Variants in MEGF6 observed in about 807,000 individuals in gnomAD.
MEGF6 encodes the protein multiple EGF like domains 6.
Under a neutral mutation model 207.1 loss-of-function variants are expected in MEGF6, and 184 were observed. That is an observed-to-expected ratio of 0.89 (90% CI 0.79 to 1.00). The LOEUF (loss-of-function observed/expected upper bound fraction) is 1.00. MEGF6 is among the 50% of genes least tolerant of loss of function. MEGF6 has a pLI of 0.00. For synonymous variants in MEGF6, 1,038 were observed against 910.0 expected (o/e 1.14, Z -2.53); for missense variants, 2,282 against 2,202.9 (o/e 1.04, Z -0.72).
intron 4 of MEGF6, among the ~76,000 whole-genome samples, chr1:3,550,650 C>T (rs956635757): frequency 1.9e-4 from 29 of 152,252 alleles, no homozygotes; most frequent in African/African-American, 6.5e-4. Flanking sequence ...CGGGGTGCTC[C>T]GTGCCGGATC....
Position 3,490,961 on chromosome 1 carries a change from T to C in MEGF6, c.4517-2A>G, listed in dbSNP as rs867948155. ...TCTCGGGGAGCCGGAGGGGCCCACC[T>C]GGAGGGGAGAGAGAGCAGGCCATGT... is the stretch of plus-strand genomic sequence containing the variant. On this transcript the variant is annotated splice_acceptor_variant, in intron 35 of 36. Coordinates refer to ENST00000356575, the MANE Select transcript of MEGF6 (RefSeq NM_001409.4). LOFTEE classifies it high-confidence loss of function. 1.9e-6 allele frequency: 3 copies of C among 1,598,226 alleles called. No individual in the cohort carries two copies. Among genetic ancestry groups the C allele is most frequent in the Non-Finnish European group, 2.6e-6 (3 of 1,175,120 alleles).
At chr1:3,622,309 T>C in the MEGF6 span, among the ~76,000 whole-genome samples, 963 of 152,238 alleles carry the variant, frequency 6.3e-3, 9 homozygotes, top group African/African-American at 0.022. Context: ...ATGGTTTAAG[T>C]GTGGCACATC....
the MEGF6 span, among the ~76,000 whole-genome samples, chr1:3,620,447 C>G: frequency 6.6e-6 from 1 of 152,200 alleles, no homozygotes; most frequent in Admixed American, 6.5e-5. Flanking sequence ...ACAGCCCAGG[C>G]GGAGCCCGTA....
intron 4 of MEGF6, among the ~76,000 whole-genome samples, chr1:3,577,868 C>T (rs1643685559): frequency 6.6e-6 from 1 of 152,236 alleles, no homozygotes; most frequent in Non-Finnish European, 1.5e-5. Context: ...ATGCAGAGCC[C>T]TCGCCCCACG....
At chr1:3,499,071 C>A in intron 24 of MEGF6, 67 bp downstream of exon 24, 1 of 1,567,562 alleles carries the variant, frequency 6.4e-7, no homozygotes, top group Non-Finnish European at 8.6e-7. Flanking sequence ...TCCTGTGGGC[C>A]CTGCAAGAGG....
At chr1:3,581,513 C>T (rs1197724393) in intron 3 of MEGF6, among the ~76,000 whole-genome samples, 2 of 152,232 alleles carry the variant, frequency 1.3e-5, no homozygotes, top group African/African-American at 2.4e-5. Flanking sequence ...GGGACCAACC[C>T]GGGGCCCAGT....
At position 3,505,201 on chromosome 1, in the gene MEGF6, C is replaced by CA; in HGVS notation, c.2188+6dup. ...ACTGCCGGGAGCCCCAGGGGCCGGCCACTCACCTTGGCCACAGTCCTCTCC... is the reference window on the plus strand; with the variant it reads ...ACTGCCGGGAGCCCCAGGGGCCGGCCAACTCACCTTGGCCACAGTCCTCTCC... On this transcript the variant is annotated splice_region_variant and intron_variant, in intron 17 of 36. Transcript: ENST00000356575. 6.2e-7 allele frequency: 1 copy of CA among 1,611,186 alleles called. No individual in the cohort carries two copies. Among genetic ancestry groups the CA allele is most frequent in the East Asian group, 2.2e-5 (1 of 44,868 alleles).
At position 3,497,338 on chromosome 1, in the gene MEGF6, C is replaced by T. The variant is rs200142733; in HGVS notation, c.3376G>A (p.Glu1126Lys). The part of the protein sequence containing the change: ...QSPCLRGWFG[E>K]ACAQRCSCPP... The stretch of plus-strand genomic sequence containing the variant: ...CAGCTGCAGCGCTGGGCACAGGCCT[C>T]TCCAAACCAGCCCCGCAGGCAGGCT... Residue 1126 changes from glutamate to lysine, a missense_variant, in exon 27 of 37, where the codon GAG becomes AAG. Transcript: ENST00000356575. The T allele has an allele frequency of 5.6e-4, 869 of 1,550,962 alleles. 7 individuals are homozygous for T. The highest frequency in any genetic ancestry group is 3.9e-5 in the Non-Finnish European group (45 of 1,154,016).
In MEGF6 at chr1:3,490,455, T is replaced by C. The variant is rs1640304721; in HGVS notation, c.*73A>G. The C allele has an allele frequency of 2.1e-5, 33 of 1,544,018 alleles. 1 individual carries two copies. The highest frequency in any genetic ancestry group is 1.9e-4 in the South Asian group (17 of 88,802). ...GAGCTCTGGGCCCGTGAAGTGTCCT[T>C]CTCAGTGGTCACCAAAGGCCAGGGT... On this transcript the variant is annotated 3_prime_UTR_variant, in exon 37 of 37. Transcript: ENST00000356575.
Position 3,500,736 on chromosome 1 carries a change from G to C in MEGF6, c.2604C>G (p.Asp868Glu). Residue 868 changes from aspartate (D) to glutamate (E), a missense_variant, in exon 21 of 37, where the codon GAC (aspartate) becomes GAG (glutamate). Transcript: ENST00000356575. ...CGCTGCAGTTGCAGGGGTGGCTGCA[G>C]TCAGGTCCCCAGTGCCCAGTATCAC... ...RACDTGHWGP[D>E]CSHPCNCSAG... 1 of 1,602,288 alleles carries C rather than the reference G, an allele frequency of 6.2e-7. No individual in the cohort carries two copies. Among genetic ancestry groups the C allele is most frequent in the Non-Finnish European group, 8.5e-7 (1 of 1,174,996 alleles).
At chr1:3,559,484 C>T (rs531692233) in intron 4 of MEGF6, among the ~76,000 whole-genome samples, 132 of 148,110 alleles carry the variant, frequency 8.9e-4, no homozygotes, top group Admixed American at 2.0e-3. Context: ...ACTGTGCCAC[C>T]GCACTCCAAC....
rs1644322131 is a variant in MEGF6, at chr1:3,611,289, C to G, written c.-21G>C. ...GACATCGTGCGCGCCGGTGCCTCCT[C>G]CGCTCTCCGGCTCACAGGCGGCCCC... On this transcript the variant is annotated 5_prime_UTR_variant, in exon 1 of 37. Transcript: ENST00000356575. 2.8e-6 allele frequency: 4 copies of G among 1,438,678 alleles called. No individual in the cohort carries two copies. Among genetic ancestry groups the G allele is most frequent in the East Asian group, 2.8e-5 (1 of 36,354 alleles). 89.1% of individuals were successfully genotyped at this position (1,438,678 alleles called of 1,614,324 possible). A position where few individuals can be genotyped will look rare whatever the true frequency, so the allele number is the denominator to read the frequency against.
In MEGF6 at chr1:3,524,114, C is replaced by A. The variant is rs374628382; in HGVS notation, c.604+10G>T. On this transcript the variant is annotated intron_variant, in intron 5 of 36. Transcript: ENST00000356575. The stretch of plus-strand genomic sequence containing the variant: ...CAGGAGCCCAGGCAGGGTCTCCAGG[C>A]GACACTCACCCAGGCAGGTCCTGCT... The A allele has an allele frequency of 1.9e-6, 3 of 1,609,710 alleles. No homozygotes were observed. The highest frequency in any genetic ancestry group is 1.7e-5 in the Admixed American group (1 of 59,808).
chr1:3,526,915 C>T (rs112699115), intron 4 of MEGF6, among the ~76,000 whole-genome samples: 61 of 152,344 alleles, frequency 4.0e-4, no homozygotes, highest in African/African-American at 1.3e-3. Flanking sequence ...GGGAAGGCAA[C>T]ATTTAGCTCA....
chr1:3,597,540 C>A (rs1267796875), intron 2 of MEGF6, among the ~76,000 whole-genome samples: 1 of 152,224 alleles, frequency 6.6e-6, no homozygotes, highest in Non-Finnish European at 1.5e-5. Context: ...CACCTGCAGT[C>A]AAGTTAACAT....
intron 5 of MEGF6, among the ~76,000 whole-genome samples, chr1:3,517,247 C>A (rs755560355): frequency 1.3e-5 from 2 of 152,242 alleles, no homozygotes; most frequent in Non-Finnish European, 2.9e-5. Context: ...CCAGGCGCCA[C>A]AAGGGCCCAG....
At position 3,497,211 on chromosome 1, in the gene MEGF6, G is replaced by A; in HGVS notation, c.3481+22C>T. ...TCCCCCTGCCCAGCCGCTCCTCGGGGTGGGGGCTTGGGAGCACCTACCCTG... is the reference window on the plus strand; with the variant it reads ...TCCCCCTGCCCAGCCGCTCCTCGGGATGGGGGCTTGGGAGCACCTACCCTG... On this transcript the variant is annotated intron_variant, in intron 27 of 36. Transcript: ENST00000356575. The A allele has an allele frequency of 2.6e-6, 4 of 1,517,698 alleles. No homozygotes were observed. In the South Asian group the frequency reaches 5.2e-5, roughly 20 times the overall value. The allele number at this position is 1,517,698 out of a possible 1,614,324, so 94.0% of individuals were successfully genotyped here. A position where few individuals can be genotyped will look rare whatever the true frequency, so the allele number is the denominator to read the frequency against.
At chr1:3,572,120 GTGTTAGGTTCTCCCAGCTA>G (rs1477646013) in intron 4 of MEGF6, among the ~76,000 whole-genome samples, 1 of 140,844 alleles carries the variant, frequency 7.1e-6, no homozygotes, top group African/African-American at 2.7e-5. Context: ...CTTCCTGAGT[GTGTTAGGTTCTCCCAGCTA>G]TGCTGGGTTC....
rs773436031 is a variant in MEGF6 at position 3,508,631 on chromosome 1, G to A, written c.1587C>T (p.Asn529=). ...DCSLTCDDCR[N]GGTCLLGLDG... Reference sequence around the variant, plus strand: ...CCAGGCCCAGGAGGCAGGTCCCTCCGTTCCTGCAGTCATCACAGGTCAAGC... The same window carrying A: ...CCAGGCCCAGGAGGCAGGTCCCTCCATTCCTGCAGTCATCACAGGTCAAGC... Residue 529 remains asparagine, a synonymous_variant, in exon 13 of 37, where the codon AAC becomes AAT. Coordinates refer to ENST00000356575, the MANE Select transcript of MEGF6 (RefSeq NM_001409.4). 34 of 1,613,404 alleles carry A rather than the reference G, an allele frequency of 2.1e-5. No individual in the cohort carries two copies. The highest frequency in any genetic ancestry group is 4.5e-5 in the East Asian group (2 of 44,882).
Sources: gnomAD v4.1 joint callset for allele counts (sites outside exome capture counted in the v4.1 genomes callset) on GRCh38, gnomAD v4.1.1 for gene constraint, MANE v1.5 for transcripts, NCBI Gene and HGNC (gene_info 2026-07-23, HGNC 2026-07-21) for gene names.